The following MYO5B variants were observed in gnomAD, a reference collection of about 807,000 sequenced individuals.
MYO5B encodes unconventional myosin-Vb.
Under a neutral mutation model 229.3 loss-of-function variants are expected in MYO5B, and 143 were observed. The observed-to-expected ratio is 0.62, with a 90% CI of 0.54 to 0.72. MYO5B has a LOEUF of 0.72. Among genes scored for constraint, MYO5B ranks in the 30% least tolerant of loss-of-function variants. The pLI is 0.00. For missense variants in MYO5B, 2,321 were observed against 2,331.0 expected, an observed-to-expected ratio of 1.00 and a Z score of 0.09; for synonymous variants, 918 against 885.2, an observed-to-expected ratio of 1.04 and a Z score of -0.66.
intron 14 of MYO5B, among the ~76,000 whole-genome samples, chr18:49,939,327 G>A (rs2025288360): frequency 6.6e-6 from 1 of 151,646 alleles, no homozygotes; most frequent in African/African-American, 2.4e-5. Flanking sequence ...TGTATTTTTA[G>A]TACAGACAGG....
intron 1 of MYO5B, among the ~76,000 whole-genome samples, chr18:50,100,579 C>T (rs557114369): frequency 1.3e-5 from 2 of 152,282 alleles, no homozygotes; most frequent in African/African-American, 4.8e-5. Context: ...TCCTCTTTCC[C>T]CAAAGCACAT....
chr18:49,956,070 A>G (rs913979618), intron 12 of MYO5B, among the ~76,000 whole-genome samples: 4 of 152,100 alleles, frequency 2.6e-5, no homozygotes, highest in African/African-American at 9.7e-5. Context: ...TGAATTAATA[A>G]GCAGAGGAAA....
Position 49,872,313 on chromosome 18 carries a change from T to G in MYO5B, c.3538-81A>C, listed in dbSNP as rs1009586066. On this transcript the variant is annotated intron_variant, in intron 26 of 39. Transcript: ENST00000285039. ...AGGTGTTTCCAACTGTGGTCAAACT[T>G]GCTCATCCTGCCTGTGCGTGAATAC... 16 of 1,407,882 alleles carry G rather than the reference T, an allele frequency of 1.1e-5. No homozygotes were observed. The Admixed American group carries it at 2.5e-4, about 22-fold the overall frequency. 87.2% of individuals were successfully genotyped at this position (1,407,882 alleles called of 1,614,324 possible). A position where few individuals can be genotyped will look rare whatever the true frequency, so the allele number is the denominator to read the frequency against.
At chr18:50,188,710 C>T (rs530250747) in intron 1 of MYO5B, among the ~76,000 whole-genome samples, 1 of 147,590 alleles carries the variant, frequency 6.8e-6, no homozygotes, top group East Asian at 2.0e-4. Flanking sequence ...TCACTCGAAC[C>T]CAGGAGGCAG....
intron 10 of MYO5B, among the ~76,000 whole-genome samples, chr18:49,964,961 C>T (rs1381435178): frequency 3.9e-5 from 6 of 152,170 alleles, no homozygotes; most frequent in Admixed American, 3.9e-4. Context: ...TGGAATTTAC[C>T]AGGCAGCAGC....
intron 1 of MYO5B, among the ~76,000 whole-genome samples, chr18:50,160,242 T>G (rs936024992): frequency 6.6e-6 from 1 of 152,180 alleles, no homozygotes; most frequent in Non-Finnish European, 1.5e-5. Context: ...AAACTCTATG[T>G]GGGTGGCTTT....
intron 2 of MYO5B, among the ~76,000 whole-genome samples, chr18:50,040,772 T>G (rs2029991100): frequency 6.6e-6 from 1 of 152,202 alleles, no homozygotes; most frequent in Non-Finnish European, 1.5e-5. Flanking sequence ...TTGAACCATT[T>G]GTGCATATAT....
chr18:49,971,621 A>G (rs1288678814), intron 10 of MYO5B, among the ~76,000 whole-genome samples: 1 of 152,228 alleles, frequency 6.6e-6, no homozygotes, highest in Non-Finnish European at 1.5e-5. Flanking sequence ...CCAGAAAGAC[A>G]GCCTGGGCCA....
chr18:49,896,740 T>C (rs1349174421), intron 21 of MYO5B, among the ~76,000 whole-genome samples: 4 of 152,116 alleles, frequency 2.6e-5, no homozygotes, highest in Non-Finnish European at 4.4e-5. Flanking sequence ...AAGTATGATG[T>C]ATCCAGGAGG....
chr18:49,843,940 A>T (rs1223360012), intron 33 of MYO5B, among the ~76,000 whole-genome samples: 1 of 152,236 alleles, frequency 6.6e-6, no homozygotes, highest in Non-Finnish European at 1.5e-5. Context: ...CAAATTACCC[A>T]GCCGTGCTTG....
chr18:50,072,172 G>C (rs899713146), intron 1 of MYO5B, among the ~76,000 whole-genome samples: 1 of 152,152 alleles, frequency 6.6e-6, no homozygotes, highest in Admixed American at 6.5e-5. Context: ...GACACTCTGT[G>C]GTTGCCCAGG....
intron 12 of MYO5B, 143 bp from the exon 13 acceptor site, chr18:49,954,578 A>G: frequency 2.7e-6 from 3 of 1,120,006 alleles, no homozygotes; most frequent in Admixed American, 3.8e-5. Context: ...GACGGTGCAA[A>G]GAATGATTCA....
rs1368303058 is a variant in MYO5B, at chr18:49,902,610, C to T, written c.2795G>A (p.Arg932Gln). ...GMENKVVQLQRKIDEQNKEFK... is the reference protein window; with the variant it reads ...GMENKVVQLQQKIDEQNKEFK... The stretch of plus-strand genomic sequence containing the variant: ...GACACTGACCTGCTCATCGATCTTC[C>T]GCTGCAGCTGGACCACCTTGTTCTC... Residue 932 changes from arginine to glutamine, a missense_variant, in exon 21 of 40, where the codon CGG becomes CAG. By Grantham distance (43) the Arg-to-Gln change is conservative. This residue lies in a region of MYO5B where 2,113 missense variants were observed against 2,044.7 expected (regional missense o/e 1.03). Transcript: ENST00000285039. 4 of 1,612,768 alleles carry T rather than the reference C, an allele frequency of 2.5e-6. No homozygotes were observed. Among genetic ancestry groups the T allele is most frequent in the Non-Finnish European group, 2.5e-6 (3 of 1,180,030 alleles).
At chr18:50,015,591 T>G (rs1320829432) in intron 4 of MYO5B, among the ~76,000 whole-genome samples, 1 of 152,240 alleles carries the variant, frequency 6.6e-6, no homozygotes, top group Non-Finnish European at 1.5e-5. Context: ...CAGTTTTAAG[T>G]TAAATATTCT....
At chr18:49,967,304 A>G (rs1157249293) in intron 10 of MYO5B, among the ~76,000 whole-genome samples, 2 of 152,226 alleles carry the variant, frequency 1.3e-5, no homozygotes, top group Non-Finnish European at 2.9e-5. Flanking sequence ...GGAAAGTGAA[A>G]CTGCAATAAA....
intron 32 of MYO5B, among the ~76,000 whole-genome samples, chr18:49,848,866 G>A (rs982867572): frequency 1.3e-5 from 2 of 152,128 alleles, no homozygotes; most frequent in African/African-American, 2.4e-5. Flanking sequence ...TTCCAGTCTA[G>A]AGGAGCAGGA....
rs747090591 is a variant in MYO5B at position 50,036,985 on chromosome 18, AG to A, written c.319del (p.Val108LeufsTer53). On this transcript the variant is annotated frameshift_variant, in exon 4 of 40. Coordinates refer to ENST00000285039, the MANE Select transcript of MYO5B (RefSeq NM_001080467.3). LOFTEE classifies it high-confidence loss of function. ...NHIYTYCGIV[L>X]VAINPYEQLP... is the part of the protein sequence containing the mutation. The stretch of plus-strand genomic sequence containing the variant: ...CTGTTCATAAGGATTAATGGCAACA[AG>A]TACGATACCTGCAAACAGACAAGGT... 1 of 1,614,196 alleles carries A rather than the reference AG, an allele frequency of 6.2e-7. No homozygotes were observed. Among genetic ancestry groups the A allele is most frequent in the Non-Finnish European group, 8.5e-7 (1 of 1,180,026 alleles).
In MYO5B at chr18:49,841,299, A is replaced by G. The variant is rs2024054353; in HGVS notation, c.4701+66T>C. On this transcript the variant is annotated intron_variant, in intron 35 of 39. Transcript: ENST00000285039. ...ACCCCACTGACCTCTGAGGGTATAC[A>G]AAGCACTTCTCAACCACATTTGGAT... The G allele has an allele frequency of 2.0e-6, 3 of 1,489,034 alleles. No individual in the cohort carries two copies. The East Asian group carries it at 6.8e-5, about 34-fold the overall frequency. The allele number at this position is 1,489,034 out of a possible 1,614,324, so 92.2% of individuals were successfully genotyped here.
chr18:50,148,104 G>A (rs371252713), intron 1 of MYO5B, among the ~76,000 whole-genome samples: 9 of 150,300 alleles, frequency 6.0e-5, no homozygotes, highest in African/African-American at 9.8e-5. Flanking sequence ...TACATTCCTC[G>A]ACACATACAC....
Sources: gnomAD v4.1 joint callset for allele counts (sites outside exome capture counted in the v4.1 genomes callset) on GRCh38, gnomAD v4.1.1 for gene constraint, gnomAD v4.1.1 regional missense constraint, MANE v1.5 for transcripts, NCBI Gene and HGNC (gene_info 2026-07-23, HGNC 2026-07-21) for gene names.